The following COP1 variants were observed in gnomAD, a reference collection of about 807,000 sequenced individuals.
COP1 encodes the protein E3 ubiquitin-protein ligase COP1.
A neutral mutation model predicts 101.3 loss-of-function variants in COP1; 24 were observed. The observed-to-expected ratio is 0.24, with a 90% CI of 0.17 to 0.33. The LOEUF (loss-of-function observed/expected upper bound fraction) is 0.33, where lower values mean the gene tolerates loss of function less well. COP1 is among the 10% of genes least tolerant of loss of function. The pLI is 1.00. For missense variants in COP1, 663 were observed against 906.2 expected, an observed-to-expected ratio of 0.73 and a Z score of 3.45; for synonymous variants, 347 against 341.9, an observed-to-expected ratio of 1.01 and a Z score of -0.17.
rs1694555801 is a variant in COP1 at position 176,162,934 on chromosome 1, G to A, written c.697C>T (p.Leu233Phe). ...ATAAGATTGACATTGGCCAAATCAAGGTTATCTTGGTCAGTTCCCAACCAA... is the reference window on the plus strand; with the variant it reads ...ATAAGATTGACATTGGCCAAATCAAAGTTATCTTGGTCAGTTCCCAACCAA... The part of the protein sequence containing the change: ...QDWLGTDQDN[L>F]DLANVNLMLE... The change falls in exon 5 of 20, where the codon CTT (leucine) becomes TTT (phenylalanine). Residue 233 changes from leucine (L) to phenylalanine (F), a missense_variant. By Grantham distance (22) the Leu-to-Phe change is conservative. This residue lies in a region of COP1 where 212 missense variants were observed against 240.7 expected (regional missense o/e 0.88). Coordinates refer to ENST00000367669, the MANE Select transcript of COP1 (RefSeq NM_022457.7). The A allele has an allele frequency of 1.2e-5, 19 of 1,608,566 alleles. No individual in the cohort carries two copies. The highest frequency in any genetic ancestry group is 1.6e-5 in the Non-Finnish European group (19 of 1,177,448).
chr1:176,013,745 CCTCA>C (rs777108779), intron 15 of COP1, among the ~76,000 whole-genome samples: 17 of 152,268 alleles, frequency 1.1e-4, no homozygotes, highest in Middle Eastern at 6.8e-3. Flanking sequence ...ATACTTATAA[CCTCA>C]CTATTACTAA....
chr1:176,081,203 G>A lies in COP1; in HGVS notation c.1226C>T (p.Ala409Val). 1.2e-6 allele frequency: 2 copies of A among 1,610,916 alleles called. No homozygotes were observed. The highest frequency in any genetic ancestry group is 1.7e-6 in the Non-Finnish European group (2 of 1,178,138). Residue 409 changes from alanine (A) to valine (V), a missense_variant, in exon 11 of 20, where the codon GCC becomes GTC. Physicochemically the swap from Ala to Val is moderately conservative, Grantham distance 64. This residue lies in a region of COP1 where 209 missense variants were observed against 383.3 expected (regional missense o/e 0.55). Coordinates refer to ENST00000367669, the MANE Select transcript of COP1 (RefSeq NM_022457.7). ...FTRYNSVRPL[A>V]TLSYASDLYN... Reference sequence around the variant, plus strand: ...GAGATCACTAGCATATGACAATGTGGCTAAAGGTCGTACTGAATTATATCG... The same window carrying A: ...GAGATCACTAGCATATGACAATGTGACTAAAGGTCGTACTGAATTATATCG...
intron 5 of COP1, among the ~76,000 whole-genome samples, chr1:176,161,946 G>A (rs1428578820): frequency 6.6e-6 from 1 of 152,180 alleles, no homozygotes; most frequent in Non-Finnish European, 1.5e-5. Flanking sequence ...TTAAACTGCA[G>A]TTGGAAACAA....
intron 9 of COP1, among the ~76,000 whole-genome samples, chr1:176,089,992 C>T (rs1680979077): frequency 6.6e-6 from 1 of 152,168 alleles, no homozygotes; most frequent in Non-Finnish European, 1.5e-5. Flanking sequence ...AGAGTCCAGC[C>T]TAATTAGGAA....
intron 2 of COP1, among the ~76,000 whole-genome samples, chr1:176,179,799 C>G (rs1356284923): frequency 6.6e-6 from 1 of 151,530 alleles, no homozygotes; most frequent in Non-Finnish European, 1.5e-5. Flanking sequence ...GTAGAAAATC[C>G]TCTTTTCTTT....
chr1:175,989,310 G>T (rs148861358), intron 16 of COP1, 52 bp downstream of exon 16: 2 of 872,218 alleles, frequency 2.3e-6, no homozygotes, highest in Non-Finnish European at 2.0e-6. Context: ...AAGCTGGTAG[G>T]TAAGTACAGA....
chr1:176,186,282 T>C (rs1698428636), intron 1 of COP1, among the ~76,000 whole-genome samples: 1 of 151,504 alleles, frequency 6.6e-6, no homozygotes, highest in African/African-American at 2.4e-5. Context: ...AACACCTCTA[T>C]GCAAATTTTT....
intron 11 of COP1, among the ~76,000 whole-genome samples, chr1:176,066,965 T>C (rs1676099342): frequency 6.6e-6 from 1 of 152,190 alleles, no homozygotes; most frequent in Non-Finnish European, 1.5e-5. Context: ...ATAAGTATCC[T>C]GGTACACATG....
At chr1:176,178,704 T>C (rs1334032311) in intron 2 of COP1, among the ~76,000 whole-genome samples, 1 of 151,670 alleles carries the variant, frequency 6.6e-6, no homozygotes, top group African/African-American at 2.4e-5. Context: ...ATACAAAAAA[T>C]TAGCTGGGCA....
chr1:176,159,502 C>T (rs750194262), intron 5 of COP1, among the ~76,000 whole-genome samples: 1 of 152,012 alleles, frequency 6.6e-6, no homozygotes, highest in Non-Finnish European at 1.5e-5. Flanking sequence ...TACCCTAATG[C>T]GAGCACAAGG....
At position 176,206,928 on chromosome 1, in the gene COP1, C is replaced by G. The variant is rs372633957; in HGVS notation, c.51G>C (p.Gly17=). 811 of 1,461,594 alleles carry G rather than the reference C, an allele frequency of 5.5e-4. 6 individuals are homozygous for G. In the African/African-American group the frequency reaches 0.01, roughly 19 times the overall value. 90.5% of individuals were successfully genotyped at this position (1,461,594 alleles called of 1,614,324 possible). A position where few individuals can be genotyped will look rare whatever the true frequency, so the allele number is the denominator to read the frequency against. The stretch of plus-strand genomic sequence containing the variant: ...AAGTCACCGAGGAGGCCGCCGAGGA[C>G]CCGGGGCTTGTCCCAGCGGAGCCCG... The part of the protein sequence containing the change: ...AGSGSAGTSP[G]SSAASSVTSA... The change falls in exon 1 of 20, where the codon GGG becomes GGC. Residue 17 remains glycine, a synonymous_variant. Transcript: ENST00000367669.
At chr1:176,089,247 C>A (rs1039961736) in intron 9 of COP1, among the ~76,000 whole-genome samples, 5 of 151,878 alleles carry the variant, frequency 3.3e-5, no homozygotes, top group Non-Finnish European at 7.4e-5. Context: ...GAGCCAAGAT[C>A]GAGCCAGTGC....
intron 11 of COP1, among the ~76,000 whole-genome samples, chr1:176,046,664 C>A (rs748308778): frequency 6.6e-6 from 1 of 151,854 alleles, no homozygotes; most frequent in Non-Finnish European, 1.5e-5. Flanking sequence ...TAAAAGTATG[C>A]CAAAAGACAA....
In COP1 at chr1:176,006,488, G is replaced by A. The variant is rs185810046; in HGVS notation, c.1730-17009C>T. Among the ~76,000 whole-genome samples the A allele has an allele frequency of 1.8e-3, 267 of 152,276 alleles. 2 individuals are homozygous for A. Among genetic ancestry groups the A allele is most frequent in the African/African-American group, 5.8e-3 (241 of 41,560 alleles). Reference sequence around the variant, plus strand: ...GCATGATTTTGCAGTGGCTGGTATGGGTTGTTCCTTTTCATGTTTAGTGCT... The same window carrying A: ...GCATGATTTTGCAGTGGCTGGTATGAGTTGTTCCTTTTCATGTTTAGTGCT... On this transcript the variant is annotated intron_variant, in intron 15 of 19. Transcript: ENST00000367669.
At chr1:176,119,200 T>C (rs1686696789) in intron 8 of COP1, among the ~76,000 whole-genome samples, 1 of 152,158 alleles carries the variant, frequency 6.6e-6, no homozygotes, top group African/African-American at 2.4e-5. Flanking sequence ...GGACTGAAAG[T>C]GAGGCAATGC....
chr1:176,165,367 T>TC (rs1694942392), intron 3 of COP1, among the ~76,000 whole-genome samples: 1 of 123,646 alleles, frequency 8.1e-6, no homozygotes, highest in Non-Finnish European at 1.6e-5. Flanking sequence ...GTGTCGTGTG[T>TC]GTGTGTGTGT....
chr1:176,079,199 G>A (rs1292698864), intron 11 of COP1, among the ~76,000 whole-genome samples: 1 of 152,154 alleles, frequency 6.6e-6, no homozygotes, highest in Non-Finnish European at 1.5e-5. Context: ...TATGTTCACT[G>A]CAGAGCTATT....
intron 18 of COP1, among the ~76,000 whole-genome samples, chr1:175,966,280 TACACACAC>T (rs66711924): frequency 0.13 from 19,638 of 150,154 alleles, 1,325 homozygotes; most frequent in Admixed American, 0.17. Flanking sequence ...GTGTTTGCAA[TACACACAC>T]ACACACACAC....
At chr1:176,134,344 C>A (rs1015310855) in intron 8 of COP1, among the ~76,000 whole-genome samples, 10 of 152,088 alleles carry the variant, frequency 6.6e-5, no homozygotes, top group Non-Finnish European at 1.3e-4. Flanking sequence ...AAATTCAAAA[C>A]TCAAGATTCA....
Sources: allele counts gnomAD v4.1 joint callset (sites outside exome capture counted in the v4.1 genomes callset), GRCh38; gene constraint gnomAD v4.1.1; regional missense constraint gnomAD v4.1.1; transcripts MANE v1.5; gene names NCBI Gene and HGNC (gene_info 2026-07-23, HGNC 2026-07-21).